TMCC1: variants seen among roughly 807,000 people sequenced by gnomAD.
TMCC1 encodes the protein transmembrane and coiled-coil domain family 1.
Under a neutral mutation model 52.4 loss-of-function variants are expected in TMCC1, and 15 were observed. The observed-to-expected ratio is 0.29, with a 90% CI of 0.19 to 0.44. The LOEUF is 0.44. Among genes scored for constraint, TMCC1 ranks in the 20% least tolerant of loss-of-function variants. TMCC1 has a pLI of 1.00. For missense variants in TMCC1, 503 were observed against 806.0 expected (o/e 0.62, Z 4.55); for synonymous variants, 279 against 301.9 (o/e 0.92, Z 0.79).
intron 5 of TMCC1, among the ~76,000 whole-genome samples, chr3:129,663,400 T>C (rs1360908123): frequency 1.3e-5 from 2 of 152,174 alleles, no homozygotes; most frequent in South Asian, 2.1e-4. Flanking sequence ...CCCAAATGCA[T>C]ACCAGAGACC....
intron 6 of TMCC1, among the ~76,000 whole-genome samples, chr3:129,653,567 C>T (rs988172124): frequency 6.6e-6 from 1 of 152,232 alleles, no homozygotes; most frequent in Admixed American, 6.5e-5. Flanking sequence ...CCTCAGCCTC[C>T]TGAGTAGCTG....
chr3:129,655,152 T>C (rs765710532), intron 5 of TMCC1, 49 bp from the exon 6 acceptor site: 2 of 1,592,946 alleles, frequency 1.3e-6, no homozygotes, highest in Admixed American at 3.5e-5. Flanking sequence ...GTGAATATCT[T>C]TCCTGGCATT....
At chr3:129,756,539 C>T (rs1315540970) in intron 4 of TMCC1, among the ~76,000 whole-genome samples, 1 of 152,124 alleles carries the variant, frequency 6.6e-6, no homozygotes, top group Non-Finnish European at 1.5e-5. Context: ...GCTGGGACTA[C>T]AGGCGCCCAC....
intron 4 of TMCC1, among the ~76,000 whole-genome samples, chr3:129,771,774 CAAAAAAAAAAAAA>C (rs755523077): frequency 1.3e-5 from 1 of 75,660 alleles, no homozygotes; most frequent in Non-Finnish European, 2.7e-5. Context: ...GACACTGTCT[CAAAAAAAAAAAAA>C]AAAAAAAAAA....
intron 4 of TMCC1, among the ~76,000 whole-genome samples, chr3:129,772,523 G>A (rs564539944): frequency 6.6e-6 from 1 of 151,730 alleles, no homozygotes. Context: ...AGACCATCCT[G>A]GCTAACACGG....
rs550126316 is a variant in TMCC1 at position 129,849,534 on chromosome 3, G to A, written c.-183-16708C>T. ...AACCCCAGCACTTCGGGAGGCTGAG[G>A]AGGGAGGATCATGAGGTCAGGAGAT... is the stretch of plus-strand genomic sequence containing the variant. On this transcript the variant is annotated intron_variant, in intron 2 of 6. Transcript: ENST00000393238. Among the ~76,000 whole-genome samples the A allele has an allele frequency of 3.3e-5, 5 of 151,140 alleles. No homozygotes were observed. In the East Asian group the frequency reaches 5.9e-4, roughly 18 times the overall value.
At chr3:129,871,915 T>A (rs2060950768) in intron 2 of TMCC1, among the ~76,000 whole-genome samples, 2 of 152,240 alleles carry the variant, frequency 1.3e-5, no homozygotes, top group South Asian at 4.1e-4. Context: ...TACCATTTTT[T>A]TTACCTATCA....
chr3:129,709,497 A>AGAGAGAG (rs1553838680), intron 4 of TMCC1, among the ~76,000 whole-genome samples: 4 of 64,074 alleles, frequency 6.2e-5, no homozygotes, highest in African/African-American at 2.7e-4. Context: ...AAAAAAAAAA[A>AGAGAGAG]AGAGAGAGAG....
chr3:129,782,996 T>C (rs757298601), intron 4 of TMCC1, among the ~76,000 whole-genome samples: 1 of 152,228 alleles, frequency 6.6e-6, no homozygotes, highest in Non-Finnish European at 1.5e-5. Flanking sequence ...CAGTAGCCTT[T>C]TGACTTAATT....
At chr3:129,732,672 T>G (rs768797878) in intron 4 of TMCC1, among the ~76,000 whole-genome samples, 6 of 151,814 alleles carry the variant, frequency 4.0e-5, no homozygotes, top group Non-Finnish European at 7.4e-5. Context: ...AGCAAGCAGA[T>G]GAAGGAGAGA....
chr3:129,881,446 C>T (rs947433888), intron 1 of TMCC1, among the ~76,000 whole-genome samples: 10 of 152,066 alleles, frequency 6.6e-5, no homozygotes, highest in African/African-American at 2.2e-4. Flanking sequence ...AAACAAATAT[C>T]ATAGAACTAC....
chr3:129,652,937 G>A (rs2086432829), intron 6 of TMCC1, among the ~76,000 whole-genome samples: 1 of 152,170 alleles, frequency 6.6e-6, no homozygotes, highest in African/African-American at 2.4e-5. Context: ...ATTTTCTCAG[G>A]ACCTCTTCAG....
chr3:129,652,751 T>G (rs2086421809), intron 6 of TMCC1, among the ~76,000 whole-genome samples: 1 of 152,238 alleles, frequency 6.6e-6, no homozygotes, highest in South Asian at 2.1e-4. Flanking sequence ...TTCAACCGAC[T>G]GCCAGCTAAA....
chr3:129,823,608 GCTGTA>G (rs2058523438), intron 4 of TMCC1, among the ~76,000 whole-genome samples: 1 of 152,036 alleles, frequency 6.6e-6, no homozygotes, highest in South Asian at 2.1e-4. Flanking sequence ...GAGAAAAAAT[GCTGTA>G]CTGAGATCCC....
At chr3:129,687,324 C>T (rs2089476663) in intron 4 of TMCC1, among the ~76,000 whole-genome samples, 1 of 152,038 alleles carries the variant, frequency 6.6e-6, no homozygotes, top group Non-Finnish European at 1.5e-5. Flanking sequence ...AAATAAGATC[C>T]AACTTAAAGC....
chr3:129,659,440 T>C (rs2086880527), intron 5 of TMCC1, among the ~76,000 whole-genome samples: 3 of 152,100 alleles, frequency 2.0e-5, no homozygotes, highest in African/African-American at 4.8e-5. Context: ...TGTGGTATAT[T>C]TGCCTTCACA....
At chr3:129,677,121 C>G (rs952200077) in intron 4 of TMCC1, among the ~76,000 whole-genome samples, 1 of 151,692 alleles carries the variant, frequency 6.6e-6, no homozygotes, top group Admixed American at 6.6e-5. Flanking sequence ...AAAATTTGGC[C>G]GGGTATGGTG....
At chr3:129,892,550 T>A (rs545112103) in intron 1 of TMCC1, 1 of 152,062 alleles carries the variant, frequency 6.6e-6, no homozygotes, top group Non-Finnish European at 1.5e-5. Context: ...AAGAACAGAA[T>A]AAGCTAATTT....
chr3:129,705,359 T>C (rs1166592624), intron 4 of TMCC1, among the ~76,000 whole-genome samples: 1 of 152,088 alleles, frequency 6.6e-6, no homozygotes, highest in Non-Finnish European at 1.5e-5. Context: ...TGTTCTCTTA[T>C]ATTTCCAAAA....
Sources: gnomAD v4.1 joint callset for allele counts (sites outside exome capture counted in the v4.1 genomes callset) on GRCh38, gnomAD v4.1.1 for gene constraint, MANE v1.5 for transcripts, NCBI Gene and HGNC (gene_info 2026-07-23, HGNC 2026-07-21) for gene names.